The following CMSS1 variants were observed in gnomAD, a reference collection of about 807,000 sequenced individuals.
CMSS1 encodes the protein cms1 ribosomal small subunit homolog.
CMSS1 carries 33 observed loss-of-function variants against 43.5 expected under a neutral mutation model. The observed-to-expected ratio is 0.76, with a 90% CI of 0.57 to 1.01. The LOEUF (loss-of-function observed/expected upper bound fraction) is 1.01. Ranked by LOEUF, CMSS1 falls within the 50% of genes least tolerant of loss-of-function variation. CMSS1 has a pLI of 0.00. For missense variants in CMSS1, 313 were observed against 326.4 expected (o/e 0.96, Z 0.32); for synonymous variants, 115 against 117.2 (o/e 0.98, Z 0.12).
chr3:100,030,868 G>T (rs2065011040), intron 1 of CMSS1, among the ~76,000 whole-genome samples: 1 of 152,068 alleles, frequency 6.6e-6, no homozygotes, highest in Admixed American at 6.6e-5. Context: ...GTGCACTGTG[G>T]TAAAATTTTC....
intron 1 of CMSS1, among the ~76,000 whole-genome samples, chr3:99,892,793 A>T (rs948759925): frequency 6.6e-6 from 1 of 152,246 alleles, no homozygotes; most frequent in African/African-American, 2.4e-5. Context: ...AGAGAATGAC[A>T]TAACTAGCTT....
chr3:100,175,294 C>T (rs2067140141), intron 8 of CMSS1, among the ~76,000 whole-genome samples: 1 of 151,994 alleles, frequency 6.6e-6, no homozygotes, highest in African/African-American at 2.4e-5. Flanking sequence ...GGCTGGGCAC[C>T]GTGGCTCATG....
At chr3:100,084,976 A>G (rs1397063656) in intron 1 of CMSS1, among the ~76,000 whole-genome samples, 2 of 152,220 alleles carry the variant, frequency 1.3e-5, no homozygotes, top group Non-Finnish European at 2.9e-5. Context: ...TTCTCTGTCC[A>G]TGTCTTTAGC....
chr3:99,934,127 A>G (rs1358883410), intron 1 of CMSS1, among the ~76,000 whole-genome samples: 1 of 152,248 alleles, frequency 6.6e-6, no homozygotes, highest in African/African-American at 2.4e-5. Context: ...TGGTGGTCTC[A>G]GGATAACATT....
intron 1 of CMSS1, among the ~76,000 whole-genome samples, chr3:100,055,621 A>G (rs1181030421): frequency 1.3e-5 from 2 of 152,216 alleles, no homozygotes; most frequent in African/African-American, 4.8e-5. Context: ...ACCTAGATTA[A>G]AAACCACAGC....
intron 1 of CMSS1, among the ~76,000 whole-genome samples, chr3:99,882,708 A>G (rs1420079844): frequency 1.3e-5 from 2 of 152,206 alleles, no homozygotes; most frequent in Non-Finnish European, 2.9e-5. Context: ...TTTGGGAAAC[A>G]TGAAAAAATG....
At chr3:100,085,042 G>A (rs1442260454) in intron 1 of CMSS1, among the ~76,000 whole-genome samples, 1 of 152,150 alleles carries the variant, frequency 6.6e-6, no homozygotes, top group Non-Finnish European at 1.5e-5. Flanking sequence ...ATGTATGTAT[G>A]GTACAGATCT....
At chr3:100,171,342 C>T (rs552694228) in intron 6 of CMSS1, among the ~76,000 whole-genome samples, 2 of 151,370 alleles carry the variant, frequency 1.3e-5, no homozygotes, top group South Asian at 4.2e-4. Context: ...GGATAGAAGC[C>T]CCCCCTCTTC....
intron 1 of CMSS1, among the ~76,000 whole-genome samples, chr3:100,070,641 CT>C (rs943579705): frequency 6.6e-6 from 1 of 151,890 alleles, no homozygotes; most frequent in African/African-American, 2.4e-5. Flanking sequence ...TGTTGTTTTT[CT>C]TTTTTTGAGA....
chr3:100,123,893 G>A (rs775846676), intron 1 of CMSS1, among the ~76,000 whole-genome samples: 3 of 152,074 alleles, frequency 2.0e-5, no homozygotes, highest in Non-Finnish European at 4.4e-5. Flanking sequence ...TTTGTTCCTG[G>A]TACAAATAAG....
At chr3:100,037,833 T>TA (rs2065133094) in intron 1 of CMSS1, among the ~76,000 whole-genome samples, 1 of 152,088 alleles carries the variant, frequency 6.6e-6, no homozygotes, top group African/African-American at 2.4e-5. Context: ...TTAAGACCTT[T>TA]AAAAAACTAA....
At chr3:99,954,079 A>G (rs551563474) in intron 1 of CMSS1, among the ~76,000 whole-genome samples, 1 of 152,390 alleles carries the variant, frequency 6.6e-6, no homozygotes, top group South Asian at 2.1e-4. Flanking sequence ...CTCAGTTTGT[A>G]GCAGCCTTAG....
At chr3:100,065,891 T>C (rs1184483528) in intron 1 of CMSS1, among the ~76,000 whole-genome samples, 1 of 152,258 alleles carries the variant, frequency 6.6e-6, no homozygotes, top group East Asian at 1.9e-4. Context: ...GCTCAAAATA[T>C]GGCTCCTGGA....
chr3:100,163,445 A>T (rs111521066), intron 4 of CMSS1, among the ~76,000 whole-genome samples: 103 of 152,364 alleles, frequency 6.8e-4, no homozygotes, highest in African/African-American at 2.4e-3. Flanking sequence ...AGGGATTCTT[A>T]GGCCTACTAG....
intron 1 of CMSS1, among the ~76,000 whole-genome samples, chr3:99,882,336 A>G (rs1705756365): frequency 6.6e-6 from 1 of 152,136 alleles, no homozygotes; most frequent in Non-Finnish European, 1.5e-5. Context: ...TTTGTCTGGC[A>G]ACTTCTTCCA....
chr3:99,819,840 T>G (rs1429467409), intron 1 of CMSS1, among the ~76,000 whole-genome samples: 1 of 150,684 alleles, frequency 6.6e-6, no homozygotes, highest in Non-Finnish European at 1.5e-5. Context: ...CTGCAACCTC[T>G]GCCTCCTGGG....
At chr3:100,081,344 TA>T (rs1425467346) in intron 1 of CMSS1, among the ~76,000 whole-genome samples, 2 of 152,224 alleles carry the variant, frequency 1.3e-5, no homozygotes, top group Non-Finnish European at 2.9e-5. Flanking sequence ...ATCCAGCAGA[TA>T]CACTGATGGT....
intron 1 of CMSS1, among the ~76,000 whole-genome samples, chr3:100,118,040 T>G (rs1481892492): frequency 6.6e-6 from 1 of 150,836 alleles, no homozygotes. Flanking sequence ...AATTGTCAAA[T>G]TCATAGAAAT....
At chr3:100,147,579 G>T (rs1454432138) in intron 2 of CMSS1, among the ~76,000 whole-genome samples, 2 of 151,956 alleles carry the variant, frequency 1.3e-5, no homozygotes, top group African/African-American at 4.8e-5. Context: ...GGTTCCTAAT[G>T]TTTTTTAACT....
Sources: allele counts gnomAD v4.1 joint callset (sites outside exome capture counted in the v4.1 genomes callset), GRCh38; gene constraint gnomAD v4.1.1; transcripts MANE v1.5; gene names NCBI Gene and HGNC (gene_info 2026-07-23, HGNC 2026-07-21).